Variants in DCDC1 observed in about 807,000 individuals in gnomAD.
The protein encoded by DCDC1 is doublecortin domain-containing protein 1.
DCDC1 carries 200 observed loss-of-function variants against 178.3 expected under a neutral mutation model. That is an observed-to-expected ratio of 1.12 (90% confidence interval 1.00 to 1.26). The LOEUF (loss-of-function observed/expected upper bound fraction) is 1.26. Ranked by LOEUF, DCDC1 falls within the 50% of genes most tolerant of loss-of-function variation. The probability of loss-of-function intolerance (pLI) is 0.00; values close to 1 mark genes in which losing one functional copy is unlikely to be tolerated. For synonymous variants in DCDC1, 690 were observed against 604.8 expected (o/e 1.14, Z -2.07); for missense variants, 1,983 against 1,749.2 (o/e 1.13, Z -2.38).
intron 2 of DCDC1, among the ~76,000 whole-genome samples, chr11:31,332,461 T>A (rs1303206453): frequency 1.3e-5 from 2 of 152,204 alleles, no homozygotes; most frequent in Non-Finnish European, 2.9e-5. Context: ...GTTCTTTTAA[T>A]TGTGATGTTA....
At position 31,328,057 on chromosome 11, in the gene DCDC1, T is replaced by C. The variant is rs1949744882; in HGVS notation, c.164+60A>G. Reference sequence around the variant, plus strand: ...GACTGATTGAAAATTTAAACTACTTTCTATAAACACTTTTATCCCCTTCAG... The same window carrying C: ...GACTGATTGAAAATTTAAACTACTTCCTATAAACACTTTTATCCCCTTCAG... On this transcript the variant is annotated intron_variant, in intron 3 of 38. Transcript: ENST00000684477. 4.1e-6 allele frequency: 6 copies of C among 1,473,690 alleles called. 1 individual carries two copies. In the South Asian group the frequency reaches 8.5e-5, roughly 21 times the overall value. 91.3% of individuals were successfully genotyped at this position (1,473,690 alleles called of 1,614,324 possible).
intron 9 of DCDC1, among the ~76,000 whole-genome samples, chr11:31,187,222 T>C (rs1411291067): frequency 1.3e-5 from 2 of 152,322 alleles, no homozygotes; most frequent in East Asian, 3.9e-4. Context: ...ATTTGTTGAA[T>C]GAATAAGACC....
intron 21 of DCDC1, among the ~76,000 whole-genome samples, chr11:30,950,256 A>C (rs1431385551): frequency 6.6e-6 from 1 of 152,160 alleles, no homozygotes; most frequent in Non-Finnish European, 1.5e-5. Flanking sequence ...GGGAATGTAA[A>C]TTAGTACAGC....
chr11:31,307,938 A>G, intron 3 of DCDC1, 30 bp from the exon 4 acceptor site: 2 of 1,609,902 alleles, frequency 1.2e-6, no homozygotes, highest in Non-Finnish European at 1.7e-6. Context: ...GAAGAATACA[A>G]TTAATTGATT....
intron 31 of DCDC1, 115 bp downstream of exon 31, chr11:30,904,846 T>A: frequency 8.3e-7 from 1 of 1,198,284 alleles, no homozygotes; most frequent in Non-Finnish European, 1.2e-6. Context: ...CAGCTTTAAC[T>A]GGTGAATCTG....
chr11:30,903,555 C>G lies in DCDC1; in HGVS notation c.4437G>C (p.Gln1479His). 6.2e-7 allele frequency: 1 copy of G among 1,607,784 alleles called. No individual in the cohort carries two copies. The highest frequency in any genetic ancestry group is 8.5e-7 in the Non-Finnish European group (1 of 1,176,914). ...CTTGCTTTTGTTTCTCAGAGTCTCT[C>G]TGGAGAAAGGATTCATCTAGAGCCC... ...VLWALDESFL[Q>H]RDSEKQKQDA... Residue 1479 changes from glutamine to histidine, a missense_variant, in exon 32 of 39, where the codon CAG (glutamine) becomes CAC (histidine). By Grantham distance (24) the Gln-to-His change is conservative (BLOSUM62 0). Coordinates refer to ENST00000684477, the MANE Select transcript of DCDC1 (RefSeq NM_001387274.1).
chr11:31,223,521 C>T (rs1237709189), intron 9 of DCDC1, among the ~76,000 whole-genome samples: 1 of 152,094 alleles, frequency 6.6e-6, no homozygotes, highest in Non-Finnish European at 1.5e-5. Context: ...AATTTTAATA[C>T]ATGCACGTGA....
At chr11:31,001,594 C>T (rs290097) in intron 20 of DCDC1, among the ~76,000 whole-genome samples, 2,046 of 152,272 alleles carry the variant, frequency 0.013, 49 homozygotes, top group African/African-American at 0.048. Flanking sequence ...AAGACAAATG[C>T]TGTTTGACAA....
At chr11:31,216,943 A>C (rs549202608) in intron 9 of DCDC1, among the ~76,000 whole-genome samples, 1 of 152,342 alleles carries the variant, frequency 6.6e-6, no homozygotes, top group African/African-American at 2.4e-5. Flanking sequence ...TTATTTTAAA[A>C]ATTAATTCTA....
rs112623286 is a variant in DCDC1 at position 31,307,330 on chromosome 11, A to G, written c.434+309T>C. ...TTCAAACTATTGGTTAAATATCAAAAGAAAGCATTTTTATTTTTAAATAAG... is the reference window on the plus strand; with the variant it reads ...TTCAAACTATTGGTTAAATATCAAAGGAAAGCATTTTTATTTTTAAATAAG... On this transcript the variant is annotated intron_variant, in intron 4 of 38. Coordinates refer to ENST00000684477, the MANE Select transcript of DCDC1 (RefSeq NM_001387274.1). 5.0e-3 allele frequency: 1,352 copies of G among 268,428 alleles called. 23 individuals are homozygous for G. The highest frequency in any genetic ancestry group is 0.028 in the African/African-American group (1,261 of 45,486). The allele number at this position is 268,428 out of a possible 1,614,324, so 16.6% of individuals were successfully genotyped here.
chr11:31,008,343 A>C (rs1951975818), intron 20 of DCDC1, among the ~76,000 whole-genome samples: 3 of 152,160 alleles, frequency 2.0e-5, no homozygotes, highest in African/African-American at 7.2e-5. Context: ...GGCTGACACA[A>C]AGAAACAGAG....
At chr11:30,885,578 C>A (rs1943090808) in intron 36 of DCDC1, among the ~76,000 whole-genome samples, 1 of 151,980 alleles carries the variant, frequency 6.6e-6, no homozygotes, top group Non-Finnish European at 1.5e-5. Flanking sequence ...CAAAACAAAT[C>A]AAATTCACCT....
chr11:31,008,585 A>C (rs1485866128), intron 20 of DCDC1, among the ~76,000 whole-genome samples: 1 of 152,192 alleles, frequency 6.6e-6, no homozygotes, highest in East Asian at 1.9e-4. Flanking sequence ...TTGGGACCAG[A>C]CATTCCGCCT....
chr11:31,264,587 T>C (rs1565516659), intron 8 of DCDC1, among the ~76,000 whole-genome samples: 1 of 152,208 alleles, frequency 6.6e-6, no homozygotes, highest in Non-Finnish European at 1.5e-5. Context: ...CCTCAGTTAC[T>C]GCAATAAATA....
At chr11:31,359,913 AT>A (rs1427535807) in intron 1 of DCDC1, among the ~76,000 whole-genome samples, 1 of 152,162 alleles carries the variant, frequency 6.6e-6, no homozygotes, top group Non-Finnish European at 1.5e-5. Flanking sequence ...TTGGGTTTGA[AT>A]TTTTGCCTCT....
rs1488703756 is a variant in DCDC1 at position 30,945,730 on chromosome 11, ATCTATCTATCTATCTATCTG to A, written c.2715+6695_2715+6714del. On this transcript the variant is annotated intron_variant, in intron 21 of 38. Transcript: ENST00000684477. ...TATCTATCTATCTATCTATCTATCT[ATCTATCTATCTATCTATCTG>A]TCTGTCTGTCTATCTATCTATAGAT... Among the ~76,000 whole-genome samples the A allele has an allele frequency of 8.0e-4, 117 of 146,554 alleles. 1 individual carries two copies. Among genetic ancestry groups the A allele is most frequent in the African/African-American group, 3.0e-3 (109 of 36,310 alleles).
intron 20 of DCDC1, among the ~76,000 whole-genome samples, chr11:30,989,900 C>T (rs750496863): frequency 3.5e-4 from 54 of 152,140 alleles, no homozygotes; most frequent in Non-Finnish European, 7.1e-4. Context: ...CAGGAAGAGA[C>T]AATCCAGGGA....
intron 8 of DCDC1, among the ~76,000 whole-genome samples, chr11:31,245,832 A>G (rs1250472946): frequency 6.6e-6 from 1 of 151,956 alleles, no homozygotes; most frequent in African/African-American, 2.4e-5. Context: ...ATGAGTTCAA[A>G]TGTTAAATAA....
chr11:31,034,947 T>A (rs753899918), intron 20 of DCDC1, among the ~76,000 whole-genome samples: 1 of 152,176 alleles, frequency 6.6e-6, no homozygotes, highest in Non-Finnish European at 1.5e-5. Context: ...GTGAATGGAG[T>A]GATAAGAATA....
Sources: gnomAD v4.1 joint callset for allele counts (sites outside exome capture counted in the v4.1 genomes callset) on GRCh38, gnomAD v4.1.1 for gene constraint, MANE v1.5 for transcripts, NCBI Gene and HGNC (gene_info 2026-07-23, HGNC 2026-07-21) for gene names.